BICC1: variants seen among roughly 807,000 people sequenced by gnomAD.
The protein encoded by BICC1 is BicC family RNA binding protein 1, also known as protein bicaudal C homolog 1.
Under a neutral mutation model 111.0 loss-of-function variants are expected in BICC1, and 43 were observed. The ratio of observed to expected loss-of-function variants is 0.39; its 90% CI spans 0.30 to 0.50. The LOEUF is 0.50. BICC1 is among the 20% of genes least tolerant of loss of function. The pLI, the probability that BICC1 is intolerant of heterozygous loss-of-function variation, is 0.88. For synonymous variants in BICC1, 467 were observed against 434.4 expected, an observed-to-expected ratio of 1.07 and a Z score of -0.93; for missense variants, 1,091 against 1,203.2, an observed-to-expected ratio of 0.91 and a Z score of 1.38.
At chr10:58,586,651 A>G (rs1048574836) in intron 1 of BICC1, among the ~76,000 whole-genome samples, 2 of 151,688 alleles carry the variant, frequency 1.3e-5, no homozygotes, top group African/African-American at 2.4e-5. Flanking sequence ...AACCTCATAC[A>G]GAGTTCCTAT....
intron 9 of BICC1, 30 bp from the exon 10 acceptor site, chr10:58,796,309 AC>A: frequency 3.1e-6 from 5 of 1,597,296 alleles, no homozygotes; most frequent in Non-Finnish European, 4.3e-6. Flanking sequence ...CTTGCATGTC[AC>A]CTTTTTTCCC....
intron 17 of BICC1, among the ~76,000 whole-genome samples, chr10:58,810,394 T>G (rs1843863254): frequency 6.6e-6 from 1 of 152,302 alleles, no homozygotes; most frequent in East Asian, 1.9e-4. Flanking sequence ...GCATGGACAT[T>G]AACCATGTAA....
intron 3 of BICC1, among the ~76,000 whole-genome samples, chr10:58,731,823 T>C (rs1170320196): frequency 6.6e-6 from 1 of 152,026 alleles, no homozygotes; most frequent in Non-Finnish European, 1.5e-5. Flanking sequence ...CCAAGAGGGA[T>C]GGTGTTAAAC....
Position 58,828,808 on chromosome 10 carries a change from A to G in BICC1, c.2842A>G (p.Thr948Ala). 2 of 1,613,796 alleles carry G rather than the reference A, an allele frequency of 1.2e-6. No individual in the cohort carries two copies. Among genetic ancestry groups the G allele is most frequent in the South Asian group, 2.2e-5 (2 of 91,074 alleles). ...GCTTTTTGAATCGCCAAATGCACGCACCTCTTTCCTGGAAGGTGGAGCGAG... is the reference window on the plus strand; with the variant it reads ...GCTTTTTGAATCGCCAAATGCACGCGCCTCTTTCCTGGAAGGTGGAGCGAG... ...RKLFESPNAR[T>A]SFLEGGASGR... Residue 948 changes from threonine to alanine, a missense_variant, in exon 21 of 21, where the codon ACC (threonine) becomes GCC (alanine). Coordinates refer to ENST00000373886, the MANE Select transcript of BICC1 (RefSeq NM_001080512.3).
chr10:58,766,411 G>A (rs1229396777), intron 3 of BICC1, among the ~76,000 whole-genome samples: 4 of 152,258 alleles, frequency 2.6e-5, no homozygotes, highest in Non-Finnish European at 2.9e-5. Flanking sequence ...GGAAGGGAGA[G>A]TAATTAGGGG....
chr10:58,694,043 T>C (rs1221712134), intron 2 of BICC1, among the ~76,000 whole-genome samples: 1 of 152,172 alleles, frequency 6.6e-6, no homozygotes, highest in East Asian at 1.9e-4. Context: ...CTCATATCAA[T>C]AAATGTATCT....
At chr10:58,685,239 T>A (rs190591834) in intron 2 of BICC1, among the ~76,000 whole-genome samples, 334 of 152,294 alleles carry the variant, frequency 2.2e-3, no homozygotes, top group African/African-American at 7.4e-3. Flanking sequence ...GAGAGACAGT[T>A]TGTTATAATT....
chr10:58,637,653 G>C (rs965056278), intron 2 of BICC1, among the ~76,000 whole-genome samples: 11 of 152,170 alleles, frequency 7.2e-5, no homozygotes, highest in African/African-American at 2.7e-4. Flanking sequence ...CATCTTACTG[G>C]TATGAATAGT....
chr10:58,633,540 A>G (rs888459406), intron 2 of BICC1, among the ~76,000 whole-genome samples: 3 of 152,220 alleles, frequency 2.0e-5, no homozygotes, highest in South Asian at 4.1e-4. Flanking sequence ...GTTTTCAGCT[A>G]TTGTGATGCC....
rs183120526 is a variant in BICC1 at position 58,796,601 on chromosome 10, C to T, written c.1366+75C>T. The T allele has an allele frequency of 6.9e-5, 97 of 1,410,912 alleles. 1 individual carries two copies. In the Middle Eastern group the frequency reaches 7.2e-4, roughly 10 times the overall value. The allele number at this position is 1,410,912 out of a possible 1,614,324, so 87.4% of individuals were successfully genotyped here. On this transcript the variant is annotated intron_variant, in intron 10 of 20. Transcript: ENST00000373886. ...TCTGGTTCCCTTTCTTTCTACCATTCGGGTCTACATTTAAAGGCTATTTTT... is the reference window on the plus strand; with the variant it reads ...TCTGGTTCCCTTTCTTTCTACCATTTGGGTCTACATTTAAAGGCTATTTTT...
At chr10:58,683,611 G>T (rs570513402) in intron 2 of BICC1, among the ~76,000 whole-genome samples, 1 of 152,104 alleles carries the variant, frequency 6.6e-6, no homozygotes, top group Non-Finnish European at 1.5e-5. Context: ...TTTTAAGTTG[G>T]ATTCCTAGGT....
At chr10:58,691,660 G>A (rs891495344) in intron 2 of BICC1, among the ~76,000 whole-genome samples, 1 of 152,198 alleles carries the variant, frequency 6.6e-6, no homozygotes, top group African/African-American at 2.4e-5. Flanking sequence ...ATGGGTGGAT[G>A]TGGCCACTCT....
chr10:58,771,432 G>A (rs774495946), intron 3 of BICC1, among the ~76,000 whole-genome samples: 9 of 152,056 alleles, frequency 5.9e-5, no homozygotes, highest in Middle Eastern at 3.2e-3. Flanking sequence ...AGATCACAGG[G>A]CCTACAGACT....
chr10:58,798,624 A>G, intron 11 of BICC1, 64 bp downstream of exon 11: 2 of 1,383,508 alleles, frequency 1.4e-6, no homozygotes, highest in South Asian at 2.0e-5. Flanking sequence ...TTTTAAATAA[A>G]ATTTACGAAG....
chr10:58,558,639 A>G (rs1278311725), intron 1 of BICC1, among the ~76,000 whole-genome samples: 4 of 152,064 alleles, frequency 2.6e-5, no homozygotes, highest in Admixed American at 2.6e-4. Flanking sequence ...TGAGATCTTA[A>G]TCTTAACTCT....
intron 1 of BICC1, among the ~76,000 whole-genome samples, chr10:58,564,992 A>G (rs1352535292): frequency 6.6e-6 from 1 of 152,184 alleles, no homozygotes; most frequent in African/African-American, 2.4e-5. Context: ...TTACCTATTT[A>G]CATTTTTTGC....
chr10:58,792,979 C>G (rs1206084593), intron 8 of BICC1, among the ~76,000 whole-genome samples: 1 of 152,054 alleles, frequency 6.6e-6, no homozygotes, highest in Non-Finnish European at 1.5e-5. Context: ...GGAGGCTGGC[C>G]TAACCTGGAG....
intron 17 of BICC1, among the ~76,000 whole-genome samples, chr10:58,807,736 A>G (rs560021241): frequency 6.6e-6 from 1 of 152,058 alleles, no homozygotes. Context: ...AGAGTTCCAT[A>G]CTCCACAGCC....
intron 1 of BICC1, among the ~76,000 whole-genome samples, chr10:58,548,656 T>C (rs1396720133): frequency 6.6e-6 from 1 of 152,196 alleles, no homozygotes; most frequent in Non-Finnish European, 1.5e-5. Flanking sequence ...CCGAAACCCC[T>C]GGCAATGATT....
Sources: gnomAD v4.1 joint callset for allele counts (sites outside exome capture counted in the v4.1 genomes callset) on GRCh38, gnomAD v4.1.1 for gene constraint, MANE v1.5 for transcripts, NCBI Gene and HGNC (gene_info 2026-07-23, HGNC 2026-07-21) for gene names.